Variants in ARL13B observed in about 807,000 individuals in gnomAD.
ARL13B encodes the protein ARF like GTPase 13B.
Under a neutral mutation model 56.1 loss-of-function variants are expected in ARL13B, and 36 were observed. That is an observed-to-expected ratio of 0.64 (90% confidence interval 0.49 to 0.85). The LOEUF is 0.85. ARL13B is among the 40% of genes least tolerant of loss of function. The probability of loss-of-function intolerance (pLI) is 0.00; values close to 1 mark genes in which losing one functional copy is unlikely to be tolerated. For synonymous variants in ARL13B, 178 were observed against 171.1 expected (o/e 1.04, Z -0.32); for missense variants, 519 against 507.1 (o/e 1.02, Z -0.23).
chr3:93,980,398 G>T lies in ARL13B; in HGVS notation c.-26G>T. On this transcript the variant is annotated 5_prime_UTR_variant, in exon 1 of 10. The change creates a premature stop within an existing upstream ORF in the 5' untranslated region. Coordinates refer to ENST00000394222, the MANE Select transcript of ARL13B (RefSeq NM_001174150.2). The stretch of plus-strand genomic sequence containing the variant: ...CCGGTGTCCGCTCCGGGCTCGGATG[G>T]GAAGTGGTGGGAGGAGCGACCCGGG... The T allele has an allele frequency of 6.2e-7, 1 of 1,610,932 alleles. No individual in the cohort carries two copies.
chr3:94,029,782 G>C (rs978651199), intron 3 of ARL13B, among the ~76,000 whole-genome samples: 2 of 152,068 alleles, frequency 1.3e-5, no homozygotes, highest in Non-Finnish European at 2.9e-5. Context: ...AAGTCCTTCA[G>C]CGTAGAACTG....
At position 94,007,051 on chromosome 3, in the gene ARL13B, T is replaced by C. The variant is rs528247260; in HGVS notation, c.380+3143T>C. Among the ~76,000 whole-genome samples the C allele has an allele frequency of 2.3e-4, 35 of 152,220 alleles. No homozygotes were observed. In the South Asian group the frequency reaches 4.4e-3, roughly 19 times the overall value. ...ATCTGGACCACTCATATGCCAAATA[T>C]TTACAGCATCTAATTTCTTCTGCCC... On this transcript the variant is annotated intron_variant, in intron 3 of 9. Transcript: ENST00000394222.
intron 2 of ARL13B, among the ~76,000 whole-genome samples, chr3:94,000,920 G>A (rs1454890825): frequency 6.6e-6 from 1 of 152,026 alleles, no homozygotes; most frequent in Non-Finnish European, 1.5e-5. Context: ...CATGTACGAG[G>A]ATAGATGGAT....
chr3:94,027,346 CT>C (rs913843392), intron 3 of ARL13B, among the ~76,000 whole-genome samples: 5 of 151,894 alleles, frequency 3.3e-5, no homozygotes, highest in Admixed American at 6.6e-5. Flanking sequence ...AAGTATCTGA[CT>C]TTTTTTGCAA....
chr3:94,003,791 A>C lies in ARL13B; in HGVS notation c.263A>C (p.Glu88Ala). ...GGAATCTGGAAGAATTACTATGCTG[A>C]ATCCTATGGGGTAATATTTGTTGTG... ...IRGIWKNYYA[E>A]SYGVIFVVDS... Residue 88 changes from glutamate (E) to alanine (A), a missense_variant, in exon 3 of 10, where the codon GAA (glutamate) becomes GCA (alanine). Physicochemically the swap from Glu to Ala is moderately radical, Grantham distance 107. Transcript: ENST00000394222. 6.2e-7 allele frequency: 1 copy of C among 1,613,770 alleles called. No individual in the cohort carries two copies. The highest frequency in any genetic ancestry group is 8.5e-7 in the Non-Finnish European group (1 of 1,179,758).
chr3:93,986,393 A>G (rs1710461786), intron 1 of ARL13B, among the ~76,000 whole-genome samples: 1 of 152,194 alleles, frequency 6.6e-6, no homozygotes, highest in Non-Finnish European at 1.5e-5. Context: ...AGTGTACTGC[A>G]ATAAAATCAC....
intron 3 of ARL13B, among the ~76,000 whole-genome samples, chr3:94,029,358 T>TA (rs2076632570): frequency 2.2e-5 from 3 of 136,338 alleles, no homozygotes; most frequent in African/African-American, 8.3e-5. Flanking sequence ...TATTTTTTTT[T>TA]TTTTTTGAGA....
intron 7 of ARL13B, chr3:94,048,034 AC>A (rs1320717911): frequency 6.6e-6 from 1 of 152,246 alleles, no homozygotes; most frequent in Non-Finnish European, 1.5e-5. Flanking sequence ...ACACACACAC[AC>A]ACGGCAATTT....
chr3:94,028,081 G>T (rs910481818), intron 3 of ARL13B, among the ~76,000 whole-genome samples: 3 of 152,060 alleles, frequency 2.0e-5, no homozygotes, highest in African/African-American at 7.2e-5. Flanking sequence ...TGACTTTCTA[G>T]TATTTTTTAA....
At chr3:93,998,980 T>C (rs1226479097) in intron 2 of ARL13B, among the ~76,000 whole-genome samples, 1 of 151,580 alleles carries the variant, frequency 6.6e-6, no homozygotes, top group Non-Finnish European at 1.5e-5. Context: ...TGCTAGTTTC[T>C]TTTCAGATGT....
At chr3:93,993,575 C>T (rs73156337) in intron 1 of ARL13B, among the ~76,000 whole-genome samples, 12,366 of 152,218 alleles carry the variant, frequency 0.081, 629 homozygotes, top group Middle Eastern at 0.19. Context: ...GATGTGCCTC[C>T]GTGCTTTGCT....
chr3:94,024,293 G>T (rs1480656755), intron 3 of ARL13B, among the ~76,000 whole-genome samples: 1 of 152,112 alleles, frequency 6.6e-6, no homozygotes, highest in African/African-American at 2.4e-5. Flanking sequence ...TTTAAACTGG[G>T]TTGCACCCGT....
rs2076833966 is a variant in ARL13B, at chr3:94,039,931, T to C, written c.741T>C (p.Ala247=). The C allele has an allele frequency of 6.2e-7, 1 of 1,614,134 alleles. No homozygotes were observed. Among genetic ancestry groups the C allele is most frequent in the Non-Finnish European group, 8.5e-7 (1 of 1,180,014 alleles). The change falls in exon 6 of 10, where the codon GCT becomes GCC. Residue 247 remains alanine (A), a synonymous_variant. Coordinates refer to ENST00000394222, the MANE Select transcript of ARL13B (RefSeq NM_001174150.2). ...AACTCGATGGAACCAGTGGTCTGGC[T>C]GAGTTGGACCCAGAACCAACGAATC... The part of the protein sequence containing the change: ...QAELDGTSGL[A]ELDPEPTNPF...
intron 7 of ARL13B, among the ~76,000 whole-genome samples, chr3:94,045,397 C>T (rs368378130): frequency 8.7e-5 from 13 of 149,868 alleles, no homozygotes; most frequent in African/African-American, 2.2e-4. Flanking sequence ...ATCCTATGAC[C>T]GTGCCACATC....
chr3:94,046,629 G>A (rs2076989191), intron 7 of ARL13B, among the ~76,000 whole-genome samples: 1 of 151,786 alleles, frequency 6.6e-6, no homozygotes, highest in South Asian at 2.1e-4. Flanking sequence ...AAATAAACCT[G>A]ATATGAACAT....
At chr3:94,038,852 G>T (rs914441503) in intron 5 of ARL13B, among the ~76,000 whole-genome samples, 1 of 152,040 alleles carries the variant, frequency 6.6e-6, no homozygotes, top group Non-Finnish European at 1.5e-5. Flanking sequence ...TACTCATCAT[G>T]TATGGAACAA....
intron 3 of ARL13B, among the ~76,000 whole-genome samples, chr3:94,011,304 G>C (rs749552067): frequency 6.6e-6 from 1 of 152,106 alleles, no homozygotes; most frequent in African/African-American, 2.4e-5. Flanking sequence ...AACATCGATA[G>C]ATTAGTAATA....
intron 3 of ARL13B, among the ~76,000 whole-genome samples, chr3:94,006,934 G>T (rs943797576): frequency 2.0e-5 from 3 of 152,168 alleles, no homozygotes; most frequent in African/African-American, 7.2e-5. Flanking sequence ...GGGGATGGGG[G>T]CTGTAGAAGG....
intron 7 of ARL13B, among the ~76,000 whole-genome samples, chr3:94,048,669 G>T (rs1258166178): frequency 6.6e-6 from 1 of 151,528 alleles, no homozygotes; most frequent in Non-Finnish European, 1.5e-5. Context: ...CACACTCACT[G>T]CAGCCTTGAA....
Sources: gnomAD v4.1 joint callset for allele counts (sites outside exome capture counted in the v4.1 genomes callset) on GRCh38, gnomAD v4.1.1 for gene constraint, MANE v1.5 for transcripts, NCBI Gene and HGNC (gene_info 2026-07-23, HGNC 2026-07-21) for gene names.